The following LARP4 variants were observed in gnomAD, a reference collection of about 807,000 sequenced individuals.
The protein encoded by LARP4 is la-related protein 4.
LARP4 carries 29 observed loss-of-function variants against 92.9 expected under a neutral mutation model. The ratio of observed to expected loss-of-function variants is 0.31; its 90% CI spans 0.23 to 0.43. The LOEUF is 0.43. LARP4 is among the 20% of genes least tolerant of loss of function. LARP4 has a pLI of 1.00. For synonymous variants in LARP4, 279 were observed against 284.1 expected, an observed-to-expected ratio of 0.98 and a Z score of 0.18; for missense variants, 732 against 860.0, an observed-to-expected ratio of 0.85 and a Z score of 1.86.
intron 15 of LARP4, 100 bp downstream of exon 15, chr12:50,474,267 T>A: frequency 1.1e-6 from 1 of 888,852 alleles, no homozygotes; most frequent in Non-Finnish European, 1.7e-6. Context: ...CATTTGGAAG[T>A]AGCCCAAGTT....
At chr12:50,412,116 T>A (rs1946013812) in intron 1 of LARP4, among the ~76,000 whole-genome samples, 1 of 152,230 alleles carries the variant, frequency 6.6e-6, no homozygotes, top group Non-Finnish European at 1.5e-5. Flanking sequence ...TAACTGAGAT[T>A]GTTATGAAGA....
intron 1 of LARP4, among the ~76,000 whole-genome samples, chr12:50,426,683 G>GT (rs1948752504): frequency 4.2e-5 from 5 of 120,158 alleles, no homozygotes; most frequent in East Asian, 2.2e-4. Context: ...ATTATGTTTG[G>GT]GGTGTGTGTG....
intron 1 of LARP4, among the ~76,000 whole-genome samples, chr12:50,409,453 AG>A (rs1295234123): frequency 1.3e-5 from 2 of 152,146 alleles, no homozygotes; most frequent in East Asian, 3.9e-4. Context: ...GGACTGATTG[AG>A]GCCAGGAGTT....
intron 1 of LARP4, among the ~76,000 whole-genome samples, chr12:50,408,844 T>C (rs545250935): frequency 6.6e-6 from 1 of 152,240 alleles, no homozygotes; most frequent in Admixed American, 6.5e-5. Flanking sequence ...AAATATTTGT[T>C]ACATTGGGTA....
intron 14 of LARP4, 57 bp downstream of exon 14, chr12:50,473,593 T>A: frequency 6.4e-7 from 1 of 1,565,262 alleles, no homozygotes; most frequent in Non-Finnish European, 8.7e-7. Flanking sequence ...TGGCCGGGTG[T>A]GGTGGCTCTC....
At chr12:50,445,771 A>G (rs1951911219) in intron 8 of LARP4, among the ~76,000 whole-genome samples, 1 of 152,020 alleles carries the variant, frequency 6.6e-6, no homozygotes, top group Non-Finnish European at 1.5e-5. Flanking sequence ...CCATTTTTCA[A>G]AATATTTCTT....
intron 5 of LARP4, 26 bp from the exon 6 acceptor site, chr12:50,437,705 TTGAG>T: frequency 7.8e-7 from 1 of 1,281,778 alleles, no homozygotes; most frequent in Non-Finnish European, 1.1e-6. Context: ...CTTGTCACGT[TTGAG>T]TGATACCCTT....
chr12:50,463,764 T>C (rs1955779746), intron 12 of LARP4, among the ~76,000 whole-genome samples: 1 of 152,172 alleles, frequency 6.6e-6, no homozygotes, highest in Admixed American at 6.5e-5. Context: ...CTATGCCTGT[T>C]CTGGAGTCTG....
At chr12:50,438,871 A>T (rs1950812966) in intron 6 of LARP4, among the ~76,000 whole-genome samples, 1 of 152,204 alleles carries the variant, frequency 6.6e-6, no homozygotes. Flanking sequence ...AAGGTGATAT[A>T]CATTAAAGAA....
At chr12:50,409,631 G>A (rs985056618) in intron 1 of LARP4, among the ~76,000 whole-genome samples, 2 of 151,998 alleles carry the variant, frequency 1.3e-5, no homozygotes, top group Non-Finnish European at 2.9e-5. Flanking sequence ...GGCGGGTATA[G>A]TGGCACATGC....
chr12:50,409,049 A>G (rs887744634), intron 1 of LARP4, among the ~76,000 whole-genome samples: 1 of 152,142 alleles, frequency 6.6e-6, no homozygotes, highest in Non-Finnish European at 1.5e-5. Flanking sequence ...GCAGTTGAGC[A>G]AGATAATGAA....
At chr12:50,446,670 G>A (rs568035035) in intron 8 of LARP4, among the ~76,000 whole-genome samples, 37 of 150,524 alleles carry the variant, frequency 2.5e-4, no homozygotes, top group Non-Finnish European at 4.6e-4. Context: ...CTTGTGATCC[G>A]CCCGCCTCAG....
chr12:50,432,856 G>A (rs1362617948), intron 4 of LARP4, among the ~76,000 whole-genome samples: 3 of 45,708 alleles, frequency 6.6e-5, no homozygotes, highest in Non-Finnish European at 1.3e-4. Context: ...GCGAGACTTC[G>A]TTTCAAAAAA....
intron 2 of LARP4, 84 bp from the exon 3 acceptor site, chr12:50,428,851 T>C: frequency 9.9e-7 from 1 of 1,008,166 alleles, no homozygotes; most frequent in Non-Finnish European, 1.4e-6. Flanking sequence ...TTAAAATCTT[T>C]TTATAGGTGA....
At chr12:50,429,476 G>A (rs77779381) in intron 3 of LARP4, among the ~76,000 whole-genome samples, 16,494 of 151,930 alleles carry the variant, frequency 0.11, 1,759 homozygotes, top group East Asian at 0.45. Context: ...TGGGCATGGT[G>A]GCATGCACCT....
rs1282924704 is a variant in LARP4 at position 50,467,873 on chromosome 12, T to C, written c.1545+753T>C. ...TCTAATTCAGTTTTTTTTTTAATTA[T>C]AACAGTACATGTCTATAGTATATCT... is the stretch of plus-strand genomic sequence containing the variant. On this transcript the variant is annotated intron_variant, in intron 13 of 15. Coordinates refer to ENST00000398473, the MANE Select transcript of LARP4 (RefSeq NM_052879.5). 2.6e-5 allele frequency among the ~76,000 whole-genome samples: 4 copies of C among 151,914 alleles called. No homozygotes were observed. In the East Asian group the frequency reaches 5.8e-4, roughly 22 times the overall value.
chr12:50,473,741 C>G (rs1957196777), intron 14 of LARP4, among the ~76,000 whole-genome samples: 1 of 144,550 alleles, frequency 6.9e-6, no homozygotes, highest in Non-Finnish European at 1.5e-5. Context: ...TGGCAGGTGC[C>G]TGTAATCCCA....
Position 50,411,767 on chromosome 12 carries a change from G to A in LARP4, c.18+10739G>A, listed in dbSNP as rs564185509. Among the ~76,000 whole-genome samples, 13 of 152,016 alleles carry A rather than the reference G, an allele frequency of 8.6e-5. No homozygotes were observed. The South Asian group carries it at 2.7e-3, about 32-fold the overall frequency. On this transcript the variant is annotated intron_variant, in intron 1 of 15. Transcript: ENST00000398473. The stretch of plus-strand genomic sequence containing the variant: ...GTGATCTCATCTCACTGTAGCCTCT[G>A]CCCCCCGAGTTCAAGTGATTCTCCT...
intron 8 of LARP4, among the ~76,000 whole-genome samples, chr12:50,443,815 G>C (rs1398665408): frequency 6.6e-6 from 1 of 151,994 alleles, no homozygotes; most frequent in Non-Finnish European, 1.5e-5. Flanking sequence ...GTTTTGCCAT[G>C]TTTGCCAAGC....
Sources: gnomAD v4.1 joint callset for allele counts (sites outside exome capture counted in the v4.1 genomes callset) on GRCh38, gnomAD v4.1.1 for gene constraint, MANE v1.5 for transcripts, NCBI Gene and HGNC (gene_info 2026-07-23, HGNC 2026-07-21) for gene names.